Variants in FAT1 observed in about 807,000 individuals in gnomAD.
FAT1 encodes the protein protocadherin Fat 1.
FAT1 carries 171 observed loss-of-function variants against 329.8 expected under a neutral mutation model. The observed-to-expected ratio is 0.52, with a 90% CI of 0.46 to 0.59. The LOEUF (loss-of-function observed/expected upper bound fraction) is 0.59. Among genes scored for constraint, FAT1 ranks in the 20% least tolerant of loss-of-function variants. FAT1 has a pLI of 0.00. For missense variants in FAT1, 5,672 were observed against 5,774.4 expected, an observed-to-expected ratio of 0.98 and a Z score of 0.57; for synonymous variants, 2,233 against 2,228.6, an observed-to-expected ratio of 1.00 and a Z score of -0.06.
intron 4 of FAT1, 113 bp from the exon 5 acceptor site, chr4:186,637,027 C>T (rs916342105): frequency 1.9e-5 from 17 of 910,814 alleles, no homozygotes; most frequent in South Asian, 3.3e-5. Context: ...TTGCAGGGCA[C>T]GATGACAACA....
chr4:186,613,048 G>T, intron 13 of FAT1, 61 bp downstream of exon 13: 1 of 1,195,592 alleles, frequency 8.4e-7, no homozygotes, highest in Non-Finnish European at 1.2e-6. Flanking sequence ...GGTGTGTTTT[G>T]AAACAGAGGC....
At chr4:186,658,237 C>T (rs980494260) in intron 3 of FAT1, among the ~76,000 whole-genome samples, 9 of 152,158 alleles carry the variant, frequency 5.9e-5, no homozygotes, top group Non-Finnish European at 1.0e-4. Context: ...CCCACTGCCC[C>T]CCTACTTGCA....
rs1739959047 is a variant in FAT1 at position 186,620,134 on chromosome 4, A to G, written c.6452T>C (p.Leu2151Pro). ...FELDTLNKEY[L>P]VTVVAKDGGN... The stretch of plus-strand genomic sequence containing the variant: ...TCCATCTTTTGCAACCACTGTAACA[A>G]GATATTCTTTATTTAAGGTGTCAAG... The change falls in exon 10 of 27, where the codon CTT becomes CCT. Residue 2151 changes from leucine (L) to proline (P), a missense_variant. This residue lies in a region of FAT1 where 3,966 missense variants were observed against 3,915.2 expected (regional missense o/e 1.01). Transcript: ENST00000441802. 3.1e-6 allele frequency: 5 copies of G among 1,613,866 alleles called. No individual in the cohort carries two copies. Among genetic ancestry groups the G allele is most frequent in the African/African-American group, 2.7e-5 (2 of 74,932 alleles).
intron 2 of FAT1, among the ~76,000 whole-genome samples, chr4:186,705,295 T>C (rs2126679806): frequency 6.6e-6 from 1 of 152,290 alleles, no homozygotes; most frequent in African/African-American, 2.4e-5. Context: ...GCTACACACC[T>C]ATCAGATGGC....
chr4:186,683,904 T>A (rs1404169047), intron 2 of FAT1, among the ~76,000 whole-genome samples: 4 of 152,118 alleles, frequency 2.6e-5, no homozygotes, highest in East Asian at 1.9e-4. Context: ...AATTTTTTTT[T>A]AATCACAAAA....
intron 2 of FAT1, among the ~76,000 whole-genome samples, chr4:186,703,460 A>C (rs1235487606): frequency 6.6e-6 from 1 of 152,238 alleles, no homozygotes; most frequent in African/African-American, 2.4e-5. Context: ...TATATAAATG[A>C]TACACATATT....
chr4:186,617,049 C>T lies in FAT1; in HGVS notation c.9031G>A (p.Val3011Met), dbSNP rs1433314724. ...TTGTCATTTGCATCCAGAACTTTCA[C>T]TTCAACTATCGCTTTTGATGAGAAG... ...GTFSSKAIVE[V>M]KVLDANDNSP... Residue 3011 changes from valine (V) to methionine (M), a missense_variant, in exon 11 of 27, where the codon GTG becomes ATG. By Grantham distance (21) the Val-to-Met change is conservative. Around this residue, in one of 2 missense-constraint regions of FAT1, gnomAD observed 3,966 missense variants for 3,915.2 expected, o/e 1.01. Coordinates refer to ENST00000441802, the MANE Select transcript of FAT1 (RefSeq NM_005245.4). The T allele has an allele frequency of 6.2e-7, 1 of 1,613,914 alleles. No homozygotes were observed. The highest frequency in any genetic ancestry group is 8.5e-7 in the Non-Finnish European group (1 of 1,179,874).
rs56242383 is a variant in FAT1, at chr4:186,614,434, T to C, written c.9076-90A>G. On this transcript the variant is annotated intron_variant, in intron 11 of 26. Coordinates refer to ENST00000441802, the MANE Select transcript of FAT1 (RefSeq NM_005245.4). The stretch of plus-strand genomic sequence containing the variant: ...ATAATGGAAAAGAAATCATTCATCT[T>C]TGACCACAGAAAACATGGGAAATGA... The C allele has an allele frequency of 0.27, 235,758 of 857,314 alleles. 36,029 individuals carry two copies. The highest frequency in any genetic ancestry group is 0.32 in the Non-Finnish European group (190,181 of 600,598). The allele number at this position is 857,314 out of a possible 1,614,324, so 53.1% of individuals were successfully genotyped here.
intron 3 of FAT1, among the ~76,000 whole-genome samples, chr4:186,658,768 G>T (rs1022149725): frequency 6.6e-6 from 1 of 151,940 alleles, no homozygotes; most frequent in East Asian, 1.9e-4. Context: ...CCCAGTACCC[G>T]TTCCAAGGGG....
chr4:186,669,202 G>A (rs1213885689), intron 2 of FAT1, among the ~76,000 whole-genome samples: 2 of 152,090 alleles, frequency 1.3e-5, no homozygotes, highest in East Asian at 1.9e-4. Context: ...AGGTGCCTGC[G>A]CCCAGGCTGT....
rs1385365877 is a variant in FAT1, at chr4:186,599,805, C to CA, written c.12103+92dup. 93 of 992,682 alleles carry CA rather than the reference C, an allele frequency of 9.4e-5. No individual in the cohort carries two copies. The East Asian group carries it at 2.4e-3, about 26-fold the overall frequency. The allele number at this position is 992,682 out of a possible 1,614,324, so 61.5% of individuals were successfully genotyped here. On this transcript the variant is annotated intron_variant, in intron 22 of 26. Coordinates refer to ENST00000441802, the MANE Select transcript of FAT1 (RefSeq NM_005245.4). Reference sequence around the variant, plus strand: ...CAGTGTCTGACAAAATTATCTGAATCAAAAGAGAAAAAAATAAAAAAATAC... The same window carrying CA: ...CAGTGTCTGACAAAATTATCTGAATCAAAAAGAGAAAAAAATAAAAAAATAC...
rs1228892156 is a variant in FAT1, at chr4:186,627,309, A to AGAAT, written c.4810+841_4810+844dup. Among the ~76,000 whole-genome samples the AGAAT allele has an allele frequency of 6.8e-5, 10 of 147,376 alleles. No individual in the cohort carries two copies. In the South Asian group the frequency reaches 1.6e-3, roughly 23 times the overall value. On this transcript the variant is annotated intron_variant, in intron 9 of 26. Coordinates refer to ENST00000441802, the MANE Select transcript of FAT1 (RefSeq NM_005245.4). ...CATAAAGCGAGCTTCATCAGCCGAC[A>AGAAT]GAATGAATGAATGAGTGACCAACAT...
chr4:186,643,678 C>G (rs1056980480), intron 3 of FAT1, among the ~76,000 whole-genome samples: 1 of 152,118 alleles, frequency 6.6e-6, no homozygotes, highest in East Asian at 1.9e-4. Context: ...CCTAACACCC[C>G]GGGGAACGCT....
At chr4:186,682,248 C>T (rs1405467178) in intron 2 of FAT1, among the ~76,000 whole-genome samples, 2 of 152,094 alleles carry the variant, frequency 1.3e-5, no homozygotes, top group Non-Finnish European at 2.9e-5. Flanking sequence ...AAATGTTAGC[C>T]GGGCGCGGTG....
Position 186,706,996 on chromosome 4 carries a change from G to A in FAT1, c.2832C>T (p.Thr944=), listed in dbSNP as rs551051361. The change falls in exon 2 of 27, where the codon ACC becomes ACT. Residue 944 remains threonine, a synonymous_variant. Transcript: ENST00000441802. ...VKVREDLPEG[T]VIMWLEAHDP... The stretch of plus-strand genomic sequence containing the variant: ...CGTGGGCTTCTAACCACATGATGAC[G>A]GTTCCTTCTGGAAGATCCTCTCGGA... 1.6e-4 allele frequency: 254 copies of A among 1,613,812 alleles called. No individual in the cohort carries two copies. Among genetic ancestry groups the A allele is most frequent in the Non-Finnish European group, 2.0e-4 (240 of 1,179,888 alleles).
chr4:186,698,146 C>T (rs1744125681), intron 2 of FAT1, among the ~76,000 whole-genome samples: 3 of 152,182 alleles, frequency 2.0e-5, no homozygotes, highest in Non-Finnish European at 4.4e-5. Flanking sequence ...ACTGCTCTAT[C>T]AGCCACTGTG....
rs2126474826 is a variant in FAT1, at chr4:186,613,177, A to T, written c.9395T>A (p.Ile3132Asn). ...APEFSADPYAITVFENTEPGT... is the reference protein window; with the variant it reads ...APEFSADPYANTVFENTEPGT... The stretch of plus-strand genomic sequence containing the variant: ...CGGCTCTGTGTTTTCAAACACGGTG[A>T]TGGCATAAGGATCGGCAGAGAATTC... Residue 3132 changes from isoleucine to asparagine, a missense_variant, in exon 13 of 27, where the codon ATC becomes AAC. Coordinates refer to ENST00000441802, the MANE Select transcript of FAT1 (RefSeq NM_005245.4). 1 of 1,613,858 alleles carries T rather than the reference A, an allele frequency of 6.2e-7. No individual in the cohort carries two copies. The highest frequency in any genetic ancestry group is 8.5e-7 in the Non-Finnish European group (1 of 1,179,858).
chr4:186,630,193 G>A (rs573758111), intron 7 of FAT1, among the ~76,000 whole-genome samples: 6 of 152,296 alleles, frequency 3.9e-5, no homozygotes, highest in South Asian at 2.1e-4. Flanking sequence ...GCCTAACCAT[G>A]TCTCATATAT....
intron 7 of FAT1, among the ~76,000 whole-genome samples, chr4:186,633,140 G>C (rs1035979049): frequency 3.9e-5 from 6 of 152,050 alleles, no homozygotes; most frequent in Admixed American, 3.3e-4. Flanking sequence ...TAATAAGAAA[G>C]AACAGAATTT....
Sources: gnomAD v4.1 joint callset for allele counts (sites outside exome capture counted in the v4.1 genomes callset) on GRCh38, gnomAD v4.1.1 for gene constraint, gnomAD v4.1.1 regional missense constraint, MANE v1.5 for transcripts, NCBI Gene and HGNC (gene_info 2026-07-23, HGNC 2026-07-21) for gene names.